The following CDK5RAP2 variants were observed in gnomAD, a reference collection of about 807,000 sequenced individuals.
CDK5RAP2 encodes CDK5 regulatory subunit-associated protein 2.
Under a neutral mutation model 232.9 loss-of-function variants are expected in CDK5RAP2, and 147 were observed. The observed-to-expected ratio is 0.63, with a 90% CI of 0.55 to 0.72. The LOEUF (loss-of-function observed/expected upper bound fraction) is 0.72. Ranked by LOEUF, CDK5RAP2 falls within the 30% of genes least tolerant of loss-of-function variation. The pLI is 0.00. For synonymous variants in CDK5RAP2, 833 were observed against 833.7 expected (o/e 1.00, Z 0.01); for missense variants, 2,195 against 2,231.5 (o/e 0.98, Z 0.33).
intron 5 of CDK5RAP2, among the ~76,000 whole-genome samples, chr9:120,540,159 A>C (rs1375411010): frequency 1.3e-5 from 2 of 152,170 alleles, no homozygotes; most frequent in African/African-American, 4.8e-5. Flanking sequence ...CGCCCAAATC[A>C]GACGCAGGAC....
intron 19 of CDK5RAP2, among the ~76,000 whole-genome samples, chr9:120,459,570 C>A (rs1281472297): frequency 6.6e-6 from 1 of 152,116 alleles, no homozygotes; most frequent in Non-Finnish European, 1.5e-5. Flanking sequence ...AAGGAAATGT[C>A]TAGAATAATA....
Position 120,439,572 on chromosome 9 carries a change from C to T in CDK5RAP2, c.3549G>A (p.Val1183=). The T allele has an allele frequency of 6.2e-7, 1 of 1,614,218 alleles. No individual in the cohort carries two copies. Residue 1183 remains valine (V), a synonymous_variant, in exon 24 of 38, where the codon GTG becomes GTA. Coordinates refer to ENST00000349780, the MANE Select transcript of CDK5RAP2 (RefSeq NM_018249.6). ...CTGGGGCCAGCGGACCGAGGATTTT[C>T]ACGTGTTTCACGTATCGCACTTGGT... ...SLHQVRYVKH[V]KILGPLAPEM...
At chr9:120,477,129 T>C (rs2038059078) in intron 15 of CDK5RAP2, among the ~76,000 whole-genome samples, 1 of 152,224 alleles carries the variant, frequency 6.6e-6, no homozygotes. Flanking sequence ...ACCTGAGTAA[T>C]CAATTTTGTT....
intron 12 of CDK5RAP2, among the ~76,000 whole-genome samples, chr9:120,502,174 C>T (rs117378453): frequency 1.3e-5 from 2 of 152,330 alleles, no homozygotes; most frequent in Non-Finnish European, 2.9e-5. Context: ...AAATCTTCCC[C>T]TGAAAAATGC....
At position 120,407,007 on chromosome 9, in the gene CDK5RAP2, A is replaced by G; in HGVS notation, c.4963+5T>C. 6.2e-7 allele frequency: 1 copy of G among 1,601,288 alleles called. No homozygotes were observed. Among genetic ancestry groups the G allele is most frequent in the Non-Finnish European group, 8.6e-7 (1 of 1,168,282 alleles). On this transcript the variant is annotated splice_donor_5th_base_variant and intron_variant, in intron 32 of 37. Coordinates refer to ENST00000349780, the MANE Select transcript of CDK5RAP2 (RefSeq NM_018249.6). ...TCAGCAAGTGGGGAGAGGCAGGGGCAGTACCGTGTTTGTCAGGCTGAAGGG... is the reference window on the plus strand; with the variant it reads ...TCAGCAAGTGGGGAGAGGCAGGGGCGGTACCGTGTTTGTCAGGCTGAAGGG...
intron 28 of CDK5RAP2, among the ~76,000 whole-genome samples, chr9:120,413,816 A>G (rs200069516): frequency 0.19 from 23,385 of 122,164 alleles, 2,224 homozygotes; most frequent in East Asian, 0.36. Context: ...GCGAGGAGGG[A>G]GGAGGGAGGA....
chr9:120,578,216 G>A (rs1414002507), intron 1 of CDK5RAP2, among the ~76,000 whole-genome samples: 3 of 152,116 alleles, frequency 2.0e-5, no homozygotes, highest in African/African-American at 4.8e-5. Flanking sequence ...GAAGTGAGCC[G>A]AGATCGCGCC....
intron 25 of CDK5RAP2, among the ~76,000 whole-genome samples, chr9:120,423,542 C>T (rs1373650197): frequency 2.6e-5 from 4 of 152,258 alleles, no homozygotes; most frequent in Middle Eastern, 3.4e-3. Flanking sequence ...GGGCAAAAGA[C>T]GCTCTGCTCT....
Position 120,389,105 on chromosome 9 carries a change from T to A in CDK5RAP2, c.*131A>T. The A allele has an allele frequency of 1.2e-6, 1 of 830,976 alleles. No individual in the cohort carries two copies. Among genetic ancestry groups the A allele is most frequent in the Admixed American group, 2.3e-5 (1 of 43,726 alleles). 51.5% of individuals were successfully genotyped at this position (830,976 alleles called of 1,614,324 possible). A position where few individuals can be genotyped will look rare whatever the true frequency, so the allele number is the denominator to read the frequency against. On this transcript the variant is annotated 3_prime_UTR_variant, in exon 38 of 38. Transcript: ENST00000349780. ...CAAGCCAACTTTCAGAGAGAAAACA[T>A]GAAGGGAAAAAATAGATTTCCTTTG...
intron 10 of CDK5RAP2, 144 bp from the exon 11 acceptor site, chr9:120,525,222 A>G: frequency 1.4e-6 from 1 of 701,732 alleles, no homozygotes; most frequent in Non-Finnish European, 2.5e-6. Flanking sequence ...TTTCCAGTTT[A>G]GCCGTTTACT....
At chr9:120,478,485 A>G (rs1431903711) in intron 14 of CDK5RAP2, among the ~76,000 whole-genome samples, 1 of 152,132 alleles carries the variant, frequency 6.6e-6, no homozygotes, top group Non-Finnish European at 1.5e-5. Flanking sequence ...ATGTAACAAT[A>G]CCCTGGCCAG....
At chr9:120,524,627 G>C (rs1207728031) in intron 11 of CDK5RAP2, among the ~76,000 whole-genome samples, 2 of 151,568 alleles carry the variant, frequency 1.3e-5, no homozygotes, top group African/African-American at 4.9e-5. Context: ...GACAGAGGGG[G>C]ACTCTGTCTT....
intron 2 of CDK5RAP2, among the ~76,000 whole-genome samples, chr9:120,568,710 A>T (rs532181299): frequency 6.6e-6 from 1 of 152,328 alleles, no homozygotes; most frequent in Admixed American, 6.5e-5. Flanking sequence ...ACAGAGTGTC[A>T]TCTTCTCACG....
chr9:120,487,073 C>G (rs2038649549), intron 14 of CDK5RAP2, among the ~76,000 whole-genome samples: 1 of 152,154 alleles, frequency 6.6e-6, no homozygotes, highest in Non-Finnish European at 1.5e-5. Context: ...GTTTAACAAG[C>G]TATGCTTTCT....
chr9:120,491,439 C>T lies in CDK5RAP2; in HGVS notation c.1350G>A (p.Val450=). ...RNEVEKLRNE[V]NEREKAMENR... is the part of the protein sequence containing the mutation. ...TTTCCATTGCTTTCTCTCTTTCATTCACTTCATTGCGTAATTTTTCAACTT... is the reference window on the plus strand; with the variant it reads ...TTTCCATTGCTTTCTCTCTTTCATTTACTTCATTGCGTAATTTTTCAACTT... Residue 450 remains valine, a synonymous_variant, in exon 13 of 38, where the codon GTG becomes GTA. Coordinates refer to ENST00000349780, the MANE Select transcript of CDK5RAP2 (RefSeq NM_018249.6). 6.2e-7 allele frequency: 1 copy of T among 1,612,052 alleles called. No individual in the cohort carries two copies. The highest frequency in any genetic ancestry group is 8.5e-7 in the Non-Finnish European group (1 of 1,179,204).
intron 32 of CDK5RAP2, chr9:120,406,760 C>A: frequency 8.9e-6 from 5 of 562,364 alleles, no homozygotes; most frequent in South Asian, 4.6e-5. Context: ...AGGCCAGAGG[C>A]ACTGAGGGTG....
intron 2 of CDK5RAP2, among the ~76,000 whole-genome samples, chr9:120,568,598 C>T (rs1443765589): frequency 6.6e-6 from 1 of 152,152 alleles, no homozygotes; most frequent in Non-Finnish European, 1.5e-5. Flanking sequence ...CCCAAAGTAA[C>T]AATGTGCACA....
intron 4 of CDK5RAP2, among the ~76,000 whole-genome samples, chr9:120,548,006 CA>C (rs2041912371): frequency 6.6e-6 from 1 of 152,178 alleles, no homozygotes; most frequent in Non-Finnish European, 1.5e-5. Flanking sequence ...GTGTCAAAAA[CA>C]AAACATAAAA....
rs768967416 is a variant in CDK5RAP2 at position 120,550,781 on chromosome 9, G to A, written c.306+11C>T. The A allele has an allele frequency of 2.4e-5, 34 of 1,421,642 alleles. No individual in the cohort carries two copies. The Admixed American group carries it at 5.7e-4, about 24-fold the overall frequency. 88.1% of individuals were successfully genotyped at this position (1,421,642 alleles called of 1,614,324 possible). On this transcript the variant is annotated intron_variant, in intron 4 of 37. Transcript: ENST00000349780. ...GACACAAGGGACAGTAATGAGAAAT[G>A]GGCCACTCACAGTTTTGTAGATATG...
Sources: allele counts gnomAD v4.1 joint callset (sites outside exome capture counted in the v4.1 genomes callset), GRCh38; gene constraint gnomAD v4.1.1; transcripts MANE v1.5; gene names NCBI Gene and HGNC (gene_info 2026-07-23, HGNC 2026-07-21).